DLG2: variants seen among roughly 807,000 people sequenced by gnomAD.
DLG2 encodes the protein disks large homolog 2.
Under a neutral mutation model 132.5 loss-of-function variants are expected in DLG2, and 45 were observed. The ratio of observed to expected loss-of-function variants is 0.34; its 90% CI spans 0.27 to 0.44. The LOEUF (loss-of-function observed/expected upper bound fraction) is 0.44. Ranked by LOEUF, DLG2 falls within the 20% of genes least tolerant of loss-of-function variation. The pLI is 1.00. For synonymous variants in DLG2, 424 were observed against 419.6 expected, an observed-to-expected ratio of 1.01 and a Z score of -0.13; for missense variants, 1,045 against 1,196.9, an observed-to-expected ratio of 0.87 and a Z score of 1.87.
intron 4 of DLG2, among the ~76,000 whole-genome samples, chr11:85,181,739 TGTG>T (rs1376020761): frequency 6.6e-6 from 1 of 151,762 alleles, no homozygotes. Context: ...AGAATTTTGT[TGTG>T]GTGATGAATA....
chr11:84,521,733 A>G (rs2099301826), intron 7 of DLG2, among the ~76,000 whole-genome samples: 1 of 152,256 alleles, frequency 6.6e-6, no homozygotes, highest in Non-Finnish European at 1.5e-5. Context: ...TTAATTGTTT[A>G]TAAGAGAAGT....
chr11:85,550,580 A>G (rs557780416), intron 3 of DLG2, among the ~76,000 whole-genome samples: 129 of 152,172 alleles, frequency 8.5e-4, no homozygotes, highest in African/African-American at 1.6e-3. Flanking sequence ...TCCCAGGAGG[A>G]GTTGAGAGCG....
intron 4 of DLG2, among the ~76,000 whole-genome samples, chr11:85,154,864 A>AT (rs2077489352): frequency 6.6e-6 from 1 of 152,210 alleles, no homozygotes; most frequent in Non-Finnish European, 1.5e-5. Flanking sequence ...TCAAAGGCCA[A>AT]TTTTAAATTT....
At chr11:84,335,349 C>A (rs954829198) in intron 7 of DLG2, among the ~76,000 whole-genome samples, 11 of 151,940 alleles carry the variant, frequency 7.2e-5, no homozygotes, top group South Asian at 2.1e-4. Flanking sequence ...ATTGCTGGCA[C>A]TGGTAACAAC....
At chr11:83,671,090 GT>G (rs1428452869) in intron 18 of DLG2, among the ~76,000 whole-genome samples, 2 of 152,094 alleles carry the variant, frequency 1.3e-5, no homozygotes, top group East Asian at 3.8e-4. Flanking sequence ...CAAGGAAAAT[GT>G]TTTCCTTTAT....
At chr11:84,553,275 C>A (rs779426111) in intron 6 of DLG2, among the ~76,000 whole-genome samples, 1 of 152,172 alleles carries the variant, frequency 6.6e-6, no homozygotes, top group Non-Finnish European at 1.5e-5. Context: ...TTTCACTGAG[C>A]ACTTAAAATG....
chr11:85,158,934 C>G (rs1040257007), intron 4 of DLG2, among the ~76,000 whole-genome samples: 7 of 152,158 alleles, frequency 4.6e-5, no homozygotes, highest in Non-Finnish European at 8.8e-5. Context: ...GCCCCTCAAT[C>G]AATTTCCACA....
At chr11:84,937,533 G>GTA (rs1259396467) in intron 6 of DLG2, among the ~76,000 whole-genome samples, 2 of 152,134 alleles carry the variant, frequency 1.3e-5, no homozygotes, top group South Asian at 2.1e-4. Flanking sequence ...CAAAGGAAGC[G>GTA]TATATACAGG....
At chr11:85,506,161 A>C (rs1451942581) in intron 3 of DLG2, among the ~76,000 whole-genome samples, 1 of 152,212 alleles carries the variant, frequency 6.6e-6, no homozygotes, top group African/African-American at 2.4e-5. Context: ...CTTTTCAAAA[A>C]ACCAGCTCCT....
chr11:83,524,900 A>ATG (rs146536521), intron 21 of DLG2, among the ~76,000 whole-genome samples: 10 of 152,198 alleles, frequency 6.6e-5, no homozygotes, highest in Admixed American at 1.3e-4. Context: ...AAACATGAGT[A>ATG]TGTGTGTGTG....
At chr11:83,997,134 AT>A (rs1317206698) in intron 11 of DLG2, among the ~76,000 whole-genome samples, 3 of 150,116 alleles carry the variant, frequency 2.0e-5, no homozygotes, top group South Asian at 4.2e-4. Flanking sequence ...AAAAAAAAAA[AT>A]AAAAAATAAA....
At chr11:84,313,556 G>GGGAA in intron 7 of DLG2, among the ~76,000 whole-genome samples, 1 of 133,484 alleles carries the variant, frequency 7.5e-6, no homozygotes, top group Non-Finnish European at 1.6e-5. Flanking sequence ...AAGGGAGGGA[G>GGGAA]GGAGGGAGGA....
At chr11:84,373,811 A>G (rs548700767) in intron 7 of DLG2, among the ~76,000 whole-genome samples, 6 of 152,264 alleles carry the variant, frequency 3.9e-5, no homozygotes, top group Admixed American at 3.9e-4. Context: ...GTTTTTCTCT[A>G]AAGTTTGAAC....
chr11:85,559,955 A>T (rs1014526784), intron 3 of DLG2, among the ~76,000 whole-genome samples: 1 of 151,774 alleles, frequency 6.6e-6, no homozygotes, highest in Non-Finnish European at 1.5e-5. Context: ...AAAGGATAAA[A>T]TTATTGATAG....
At chr11:83,879,927 C>G (rs2065742577) in intron 15 of DLG2, among the ~76,000 whole-genome samples, 1 of 152,112 alleles carries the variant, frequency 6.6e-6, no homozygotes, top group Non-Finnish European at 1.5e-5. Flanking sequence ...TGGCAAACTA[C>G]CTAAGCTATG....
chr11:85,515,307 T>G (rs2094150243), intron 3 of DLG2, among the ~76,000 whole-genome samples: 1 of 151,920 alleles, frequency 6.6e-6, no homozygotes, highest in South Asian at 2.1e-4. Context: ...GCAGATACTG[T>G]GAGTAGTGGA....
At chr11:83,991,254 A>G (rs2093695188) in intron 11 of DLG2, among the ~76,000 whole-genome samples, 1 of 152,212 alleles carries the variant, frequency 6.6e-6, no homozygotes, top group African/African-American at 2.4e-5. Flanking sequence ...AAAATTTCTA[A>G]GGCACTGACA....
intron 6 of DLG2, among the ~76,000 whole-genome samples, chr11:84,694,893 C>T (rs930902258): frequency 1.3e-5 from 2 of 151,466 alleles, no homozygotes; most frequent in African/African-American, 4.8e-5. Context: ...GAATGGTTTC[C>T]AAGAACATTT....
In DLG2 at chr11:84,420,650, C is replaced by CTTTTTTT. The variant is rs768420271; in HGVS notation, c.519+113913_519+113919dup. ...CAGCACAGTGACCAATGCTTGTTTT[C>CTTTTTTT]TTTTTTTTTTTTTTTTTTTTTTTTT... is the stretch of plus-strand genomic sequence containing the variant. On this transcript the variant is annotated intron_variant, in intron 7 of 27. Coordinates refer to ENST00000376104, the MANE Select transcript of DLG2 (RefSeq NM_001142699.3). 2.1e-3 allele frequency among the ~76,000 whole-genome samples: 89 copies of CTTTTTTT among 42,234 alleles called. 35 individuals are homozygous for CTTTTTTT. The highest frequency in any genetic ancestry group is 3.4e-3 in the Non-Finnish European group (72 of 21,018). 27.7% of individuals were successfully genotyped at this position (42,234 alleles called of 152,430 possible).
Sources: gnomAD v4.1 joint callset for allele counts (sites outside exome capture counted in the v4.1 genomes callset) on GRCh38, gnomAD v4.1.1 for gene constraint, MANE v1.5 for transcripts, NCBI Gene and HGNC (gene_info 2026-07-23, HGNC 2026-07-21) for gene names.